ZNF695: variants seen among roughly 807,000 people sequenced by gnomAD.
ZNF695 encodes the protein zinc finger protein SBZF3.
Under a neutral mutation model 11.2 loss-of-function variants are expected in ZNF695, and 11 were observed. The observed-to-expected ratio is 0.98, with a 90% confidence interval of 0.62 to 1.62. ZNF695 has a LOEUF of 1.62. ZNF695 is among the 40% of genes most tolerant of loss of function. The probability of loss-of-function intolerance (pLI) is 0.00; values close to 1 mark genes in which losing one functional copy is unlikely to be tolerated. For synonymous variants in ZNF695, 190 were observed against 201.4 expected, an observed-to-expected ratio of 0.94 and a Z score of 0.48; for missense variants, 559 against 590.5, an observed-to-expected ratio of 0.95 and a Z score of 0.55.
intron 3 of ZNF695, among the ~76,000 whole-genome samples, chr1:246,991,022 A>G (rs1013100116): frequency 1.3e-5 from 2 of 152,202 alleles, no homozygotes; most frequent in Admixed American, 1.3e-4. Context: ...CTTCAACTAA[A>G]CAATCCAACA....
At chr1:246,973,471 A>G (rs545988889) in intron 4 of ZNF695, among the ~76,000 whole-genome samples, 3 of 152,366 alleles carry the variant, frequency 2.0e-5, no homozygotes, top group African/African-American at 7.2e-5. Context: ...TGTGATTATC[A>G]TTGCTACTTG....
At position 246,999,361 on chromosome 1, in the gene ZNF695, T is replaced by C; in HGVS notation, c.246A>G (p.Thr82=). The change falls in exon 3 of 4, where the codon ACA becomes ACG. Residue 82 remains threonine (T), a synonymous_variant. Transcript: ENST00000339986. ...KEPWNVNTEK[T]ARHSVLSSYL... is the part of the protein sequence containing the mutation. ...ACTCCCACCTACCTGAGTGTCTGGC[T>C]GTCTTCTCTGTGTTCACGTTCCAGG... 6.2e-7 allele frequency: 1 copy of C among 1,613,858 alleles called. No homozygotes were observed.
intron 5 of ZNF695, among the ~76,000 whole-genome samples, chr1:246,953,380 G>T (rs193254899): frequency 1.3e-5 from 2 of 151,440 alleles, no homozygotes; most frequent in African/African-American, 4.9e-5. Flanking sequence ...AGGCCGAGGC[G>T]GGCGGATCAC....
chr1:246,975,666 A>G (rs528589671), intron 4 of ZNF695, among the ~76,000 whole-genome samples: 1 of 152,338 alleles, frequency 6.6e-6, no homozygotes, highest in African/African-American at 2.4e-5. Context: ...AGTAATCATG[A>G]GGCAGAGGAG....
chr1:246,976,110 C>G (rs1779963), intron 4 of ZNF695, among the ~76,000 whole-genome samples: 33,620 of 151,924 alleles, frequency 0.22, 6,730 homozygotes, highest in African/African-American at 0.53. Context: ...GAGGGAGAGG[C>G]AGGGACAAGA....
At chr1:246,991,293 A>C (rs1290518154) in intron 3 of ZNF695, among the ~76,000 whole-genome samples, 3 of 152,206 alleles carry the variant, frequency 2.0e-5, no homozygotes, top group Non-Finnish European at 2.9e-5. Flanking sequence ...TATCAAGTTA[A>C]AAAGCTTCTG....
At chr1:246,995,165 C>G (rs1558318654) in intron 3 of ZNF695, among the ~76,000 whole-genome samples, 1 of 152,158 alleles carries the variant, frequency 6.6e-6, no homozygotes, top group African/African-American at 2.4e-5. Context: ...GACAGACCAC[C>G]TGTCAGGCCA....
At position 246,966,789 on chromosome 1, in the gene ZNF695, G is replaced by GA. The variant is rs765233641; in HGVS notation, c.488+905dup. 44 of 456,102 alleles carry GA rather than the reference G, an allele frequency of 9.6e-5. 1 individual carries two copies. The highest frequency in any genetic ancestry group is 6.4e-4 in the South Asian group (41 of 64,546). The allele number at this position is 456,102 out of a possible 1,614,324, so 28.3% of individuals were successfully genotyped here. On this transcript the variant is annotated intron_variant, in intron 5 of 5. Transcript: ENST00000487338. ...AAAGAGCAAGACCCTATTTTTAAAG[G>GA]AAAAAAAAGTCAAAATGAGAAAGTT...
intron 5 of ZNF695, among the ~76,000 whole-genome samples, chr1:246,954,363 G>A (rs940133861): frequency 8.5e-5 from 13 of 152,322 alleles, no homozygotes; most frequent in African/African-American, 3.1e-4. Context: ...CCAGGGGAAA[G>A]GGTCCAAACT....
intron 5 of ZNF695, among the ~76,000 whole-genome samples, chr1:246,954,182 G>T (rs748471607): frequency 6.6e-6 from 1 of 152,086 alleles, no homozygotes; most frequent in East Asian, 1.9e-4. Context: ...TGCCAATCAG[G>T]CCAACCTTAA....
At position 246,988,179 on chromosome 1, in the gene ZNF695, T is replaced by C; in HGVS notation, c.336A>G (p.Arg112=). ...LQVSFQKVML[R]RYERCCLEKL... is the part of the protein sequence containing the mutation. ...TCTCAAGACAACATCTTTCATATCT[T>C]CTCAGCATCACTTTTTGGAATGAAA... Residue 112 remains arginine (R), a synonymous_variant, in exon 4 of 4, where the codon AGA becomes AGG. Transcript: ENST00000339986. The C allele has an allele frequency of 1.2e-6, 2 of 1,609,926 alleles. No individual in the cohort carries two copies. The highest frequency in any genetic ancestry group is 1.1e-5 in the South Asian group (1 of 90,008).
At chr1:246,980,282 T>A (rs1668674226) in intron 4 of ZNF695, among the ~76,000 whole-genome samples, 1 of 152,060 alleles carries the variant, frequency 6.6e-6, no homozygotes, top group South Asian at 2.1e-4. Context: ...ATTTTATTCT[T>A]ATAAAATGAT....
chr1:246,992,675 A>C (rs1669076090), intron 3 of ZNF695, among the ~76,000 whole-genome samples: 2 of 152,160 alleles, frequency 1.3e-5, no homozygotes, highest in Non-Finnish European at 2.9e-5. Flanking sequence ...TATATACACT[A>C]TGCACCCACA....
chr1:246,964,283 C>G (rs1467697008), intron 5 of ZNF695, among the ~76,000 whole-genome samples: 4 of 152,100 alleles, frequency 2.6e-5, no homozygotes, highest in Admixed American at 2.6e-4. Flanking sequence ...GGGAGCTGAG[C>G]TGAAAGTTCC....
intron 4 of ZNF695, among the ~76,000 whole-genome samples, chr1:246,971,180 G>A (rs373127824): frequency 1.6e-4 from 24 of 152,306 alleles, no homozygotes; most frequent in African/African-American, 2.4e-4. Context: ...CCTGTCCACC[G>A]GAGAGGGGGC....
intron 5 of ZNF695, among the ~76,000 whole-genome samples, chr1:246,952,917 T>G (rs1272365802): frequency 2.7e-5 from 4 of 149,110 alleles, no homozygotes; most frequent in Non-Finnish European, 5.9e-5. Context: ...TGAGGCCTTA[T>G]CTGTATAAAT....
chr1:246,960,314 T>TG (rs1480859091), intron 5 of ZNF695, among the ~76,000 whole-genome samples: 2 of 152,358 alleles, frequency 1.3e-5, no homozygotes, highest in East Asian at 3.9e-4. Flanking sequence ...GTAACCTAGA[T>TG]GCATTTTGCT....
At chr1:246,953,308 C>G (rs114667762) in intron 5 of ZNF695, among the ~76,000 whole-genome samples, 1,578 of 152,104 alleles carry the variant, frequency 0.01, 23 homozygotes, top group African/African-American at 0.036. Context: ...TTCAGAAAAC[C>G]TACAGAATAA....
intron 5 of ZNF695, among the ~76,000 whole-genome samples, chr1:246,955,780 C>G (rs1370592045): frequency 6.6e-6 from 1 of 152,180 alleles, no homozygotes; most frequent in Non-Finnish European, 1.5e-5. Flanking sequence ...AAGAGTACTA[C>G]TGTCTTCTGG....
Sources: gnomAD v4.1 joint callset for allele counts (sites outside exome capture counted in the v4.1 genomes callset) on GRCh38, gnomAD v4.1.1 for gene constraint, MANE v1.5 for transcripts, NCBI Gene and HGNC (gene_info 2026-07-23, HGNC 2026-07-21) for gene names.